The following SEMA3C variants were observed in gnomAD, a reference collection of about 807,000 sequenced individuals.
The protein encoded by SEMA3C is semaphorin-3C.
SEMA3C carries 47 observed loss-of-function variants against 89.4 expected under a neutral mutation model. That is an observed-to-expected ratio of 0.53 (90% CI 0.42 to 0.67). SEMA3C has a LOEUF of 0.67. Among genes scored for constraint, SEMA3C ranks in the 30% least tolerant of loss-of-function variants. SEMA3C has a pLI of 0.00. For missense variants in SEMA3C, 839 were observed against 929.1 expected, an observed-to-expected ratio of 0.90 and a Z score of 1.26; for synonymous variants, 310 against 320.2, an observed-to-expected ratio of 0.97 and a Z score of 0.34.
intron 2 of SEMA3C, among the ~76,000 whole-genome samples, chr7:80,904,036 G>T (rs923991089): frequency 5.9e-5 from 9 of 151,942 alleles, no homozygotes; most frequent in Non-Finnish European, 1.3e-4. Flanking sequence ...TAACCTAAAG[G>T]CCTATTTAAT....
chr7:80,809,943 T>C (rs939940709), intron 6 of SEMA3C, among the ~76,000 whole-genome samples: 4 of 151,960 alleles, frequency 2.6e-5, no homozygotes, highest in African/African-American at 9.7e-5. Flanking sequence ...AGGTTAATTA[T>C]CAGGGGCTGG....
rs756862525 is a variant in SEMA3C at position 80,748,980 on chromosome 7, G to A, written c.1760C>T (p.Thr587Ile). ...CTTGGGGGCACACTCCAGAAAAGTG[G>A]TGTTATTTTTTACTCCATACTGGAC... ...EIVQYGVKNN[T>I]TFLECAPKSP... The change falls in exon 17 of 18, where the codon ACC (threonine) becomes ATC (isoleucine). Residue 587 changes from threonine (T) to isoleucine (I), a missense_variant. Transcript: ENST00000265361. 4 of 1,613,308 alleles carry A rather than the reference G, an allele frequency of 2.5e-6. No individual in the cohort carries two copies. The highest frequency in any genetic ancestry group is 3.4e-6 in the Non-Finnish European group (4 of 1,179,582).
Position 80,828,649 on chromosome 7 carries a change from T to C in SEMA3C, c.200A>G (p.Tyr67Cys), listed in dbSNP as rs748611810. The C allele has an allele frequency of 1.9e-6, 3 of 1,612,066 alleles. No individual in the cohort carries two copies. The highest frequency in any genetic ancestry group is 1.7e-5 in the Admixed American group (1 of 59,954). Residue 67 changes from tyrosine (Y) to cysteine (C), a missense_variant, in exon 3 of 18, where the codon TAT (tyrosine) becomes TGT (cysteine). Tyr to Cys is a radical substitution (Grantham distance 194). Transcript: ENST00000265361. ...LLMDEDQDRIYVGSKDHILSL... is the reference protein window; with the variant it reads ...LLMDEDQDRICVGSKDHILSL... The stretch of plus-strand genomic sequence containing the variant: ...AAGAATGTGATCTTTGCTTCCCACA[T>C]ATATCCGGTCCTGATCTTCATCCAT...
At chr7:80,845,993 T>C (rs1301603629) in intron 2 of SEMA3C, among the ~76,000 whole-genome samples, 1 of 152,182 alleles carries the variant, frequency 6.6e-6, no homozygotes, top group African/African-American at 2.4e-5. Context: ...GCAAATGCAA[T>C]GGACTTTCTT....
chr7:80,761,664 T>C lies in SEMA3C; in HGVS notation c.1444-7A>G. 3.0e-6 allele frequency: 4 copies of C among 1,324,198 alleles called. No individual in the cohort carries two copies. Among genetic ancestry groups the C allele is most frequent in the Non-Finnish European group, 4.1e-6 (4 of 964,170 alleles). The allele number at this position is 1,324,198 out of a possible 1,614,324, so 82.0% of individuals were successfully genotyped here. ...TTGTTATAGGAGCATGATTCTAAAA[T>C]ATTAGAAAACAACATGTTAGTTGCT... On this transcript the variant is annotated splice_region_variant and splice_polypyrimidine_tract_variant and intron_variant, in intron 13 of 17. Transcript: ENST00000265361.
chr7:80,746,993 A>G (rs1349545189), intron 17 of SEMA3C, among the ~76,000 whole-genome samples: 1 of 144,004 alleles, frequency 6.9e-6, no homozygotes, highest in Admixed American at 7.4e-5. Flanking sequence ...TAAAAAAATG[A>G]TTAATGTTTA....
At chr7:80,760,038 A>G (rs1449336456) in intron 14 of SEMA3C, among the ~76,000 whole-genome samples, 5 of 152,220 alleles carry the variant, frequency 3.3e-5, no homozygotes, top group Admixed American at 3.3e-4. Context: ...AAAAAATAAG[A>G]GAGCATAAGA....
chr7:80,884,491 T>C (rs942378108), intron 2 of SEMA3C, among the ~76,000 whole-genome samples: 32 of 152,176 alleles, frequency 2.1e-4, no homozygotes, highest in Middle Eastern at 3.2e-3. Flanking sequence ...GATGAATAAA[T>C]TAATGAAACT....
intron 2 of SEMA3C, among the ~76,000 whole-genome samples, chr7:80,874,367 T>C (rs1791146656): frequency 6.6e-6 from 1 of 152,210 alleles, no homozygotes; most frequent in Non-Finnish European, 1.5e-5. Context: ...CAGAATTATA[T>C]CCATGTGATA....
intron 2 of SEMA3C, among the ~76,000 whole-genome samples, chr7:80,836,241 G>T (rs891058869): frequency 3.9e-5 from 6 of 152,150 alleles, no homozygotes; most frequent in African/African-American, 1.2e-4. Context: ...TTCATCAAGG[G>T]CACAGACACA....
chr7:80,812,643 G>T (rs1426650167), intron 5 of SEMA3C, among the ~76,000 whole-genome samples: 1 of 152,050 alleles, frequency 6.6e-6, no homozygotes, highest in Non-Finnish European at 1.5e-5. Context: ...CCCCCACCAG[G>T]AGCAGATGTG....
At chr7:80,846,836 T>A (rs1231034046) in intron 2 of SEMA3C, among the ~76,000 whole-genome samples, 1 of 152,156 alleles carries the variant, frequency 6.6e-6, no homozygotes, top group Non-Finnish European at 1.5e-5. Context: ...ATCTTATACA[T>A]AAAGAAACTA....
intron 12 of SEMA3C, among the ~76,000 whole-genome samples, chr7:80,766,334 A>C (rs2117062504): frequency 6.6e-6 from 1 of 152,328 alleles, no homozygotes; most frequent in Non-Finnish European, 1.5e-5. Context: ...CTAAAATAAT[A>C]ACTGGTTGCA....
chr7:80,841,245 C>T (rs1033584868), intron 2 of SEMA3C, among the ~76,000 whole-genome samples: 4 of 152,122 alleles, frequency 2.6e-5, no homozygotes, highest in African/African-American at 7.2e-5. Flanking sequence ...AGCAAGATTG[C>T]TTCATGATAC....
At chr7:80,921,678 AC>A (rs1270609114), upstream of SEMA3C, among the ~76,000 whole-genome samples, 2 of 152,224 alleles carry the variant, frequency 1.3e-5, no homozygotes, top group Admixed American at 1.3e-4. Context: ...CAATGTTTGC[AC>A]CCAGCAAAAC....
chr7:80,844,189 T>G (rs1463934112), intron 2 of SEMA3C, among the ~76,000 whole-genome samples: 2 of 152,162 alleles, frequency 1.3e-5, no homozygotes, highest in Non-Finnish European at 2.9e-5. Flanking sequence ...CTTCAAATTT[T>G]AATGCACATA....
chr7:80,872,445 G>T (rs969117941), intron 2 of SEMA3C, among the ~76,000 whole-genome samples: 2 of 152,100 alleles, frequency 1.3e-5, no homozygotes, highest in African/African-American at 4.8e-5. Flanking sequence ...AATCCCAAGA[G>T]GGGGGTGAGT....
In SEMA3C at chr7:80,800,778, T is replaced by G; in HGVS notation, c.965A>C (p.Tyr322Ser). The change falls in exon 10 of 18, where the codon TAT (tyrosine) becomes TCT (serine). Residue 322 changes from tyrosine (Y) to serine (S), a missense_variant. Physicochemically the swap from Tyr to Ser is moderately radical, Grantham distance 144 (BLOSUM62 -2). Transcript: ENST00000265361. Reference protein sequence around the residue: ...ETDNPRTTLVYGIFTTSSSVF... With the variant: ...ETDNPRTTLVSGIFTTSSSVF... ...TTACCTTGATGTTGTAAAAATGCCA[T>G]ACACTAGTGTTGTCCTCGGGTTATC... is the stretch of plus-strand genomic sequence containing the variant. 1 of 1,528,000 alleles carries G rather than the reference T, an allele frequency of 6.5e-7. No individual in the cohort carries two copies. Among genetic ancestry groups the G allele is most frequent in the Non-Finnish European group, 8.8e-7 (1 of 1,139,962 alleles). The allele number at this position is 1,528,000 out of a possible 1,614,324, so 94.7% of individuals were successfully genotyped here.
chr7:80,783,609 C>T (rs1297026801), intron 12 of SEMA3C, among the ~76,000 whole-genome samples: 2 of 152,162 alleles, frequency 1.3e-5, no homozygotes, highest in African/African-American at 2.4e-5. Flanking sequence ...TGCACTGCTC[C>T]AGCTATCAAA....
Sources: gnomAD v4.1 joint callset for allele counts (sites outside exome capture counted in the v4.1 genomes callset) on GRCh38, gnomAD v4.1.1 for gene constraint, MANE v1.5 for transcripts, NCBI Gene and HGNC (gene_info 2026-07-23, HGNC 2026-07-21) for gene names.